Variants in DNER observed in about 807,000 individuals in gnomAD.
DNER encodes the protein delta/notch like EGF repeat containing.
In DNER, 33 loss-of-function variants were observed where a neutral mutation model predicts 78.2. That is an observed-to-expected ratio of 0.42 (90% confidence interval 0.32 to 0.56). DNER has a LOEUF of 0.56. Among genes scored for constraint, DNER ranks in the 20% least tolerant of loss-of-function variants. The pLI is 0.11. For synonymous variants in DNER, 417 were observed against 384.8 expected (o/e 1.08, Z -0.98); for missense variants, 918 against 975.3 (o/e 0.94, Z 0.78).
intron 5 of DNER, among the ~76,000 whole-genome samples, chr2:229,519,881 T>C (rs1696060658): frequency 6.6e-6 from 1 of 152,200 alleles, no homozygotes; most frequent in South Asian, 2.1e-4. Flanking sequence ...TCTGCATTAG[T>C]GACTATCCCT....
chr2:229,481,197 G>A (rs991401058), intron 6 of DNER, among the ~76,000 whole-genome samples: 19 of 152,150 alleles, frequency 1.2e-4, no homozygotes, highest in Admixed American at 3.3e-4. Flanking sequence ...CAAATTAGAC[G>A]TATGGACCAT....
intron 4 of DNER, among the ~76,000 whole-genome samples, chr2:229,584,261 G>A (rs1697455147): frequency 6.6e-6 from 1 of 152,142 alleles, no homozygotes; most frequent in African/African-American, 2.4e-5. Context: ...GACAGGTGCT[G>A]CTAGGAGGAT....
At chr2:229,428,376 T>A (rs1290132529) in intron 8 of DNER, among the ~76,000 whole-genome samples, 2 of 151,902 alleles carry the variant, frequency 1.3e-5, no homozygotes, top group Non-Finnish European at 2.9e-5. Context: ...TACCTGGTAA[T>A]GAATAGAATG....
chr2:229,672,769 C>T (rs936694434), intron 1 of DNER, among the ~76,000 whole-genome samples: 2 of 152,132 alleles, frequency 1.3e-5, no homozygotes, highest in Non-Finnish European at 2.9e-5. Context: ...CTCCTATTCT[C>T]TTCACAGTAG....
At chr2:229,479,257 A>G (rs1559362792) in intron 6 of DNER, among the ~76,000 whole-genome samples, 1 of 152,230 alleles carries the variant, frequency 6.6e-6, no homozygotes, top group Non-Finnish European at 1.5e-5. Context: ...ACAGGGAGTC[A>G]GAGCCCTGTG....
chr2:229,606,499 A>G (rs1697941112), intron 1 of DNER, among the ~76,000 whole-genome samples: 1 of 151,754 alleles, frequency 6.6e-6, no homozygotes, highest in Non-Finnish European at 1.5e-5. Context: ...TTAAAAAAAA[A>G]TAAAATTCCC....
intron 4 of DNER, among the ~76,000 whole-genome samples, chr2:229,561,437 C>A (rs1054984290): frequency 1.2e-4 from 19 of 152,092 alleles, no homozygotes; most frequent in African/African-American, 4.6e-4. Context: ...ATATAGCAAT[C>A]CTTAACAACT....
intron 1 of DNER, among the ~76,000 whole-genome samples, chr2:229,671,274 G>A (rs990612918): frequency 2.5e-4 from 38 of 152,214 alleles, no homozygotes; most frequent in Non-Finnish European, 4.0e-4. Context: ...TCTACTAGGC[G>A]CCAGCCATAC....
At chr2:229,649,495 A>G (rs1302734623) in intron 1 of DNER, among the ~76,000 whole-genome samples, 1 of 152,212 alleles carries the variant, frequency 6.6e-6, no homozygotes. Context: ...CAATTTCTAT[A>G]TTATAAATAG....
intron 1 of DNER, among the ~76,000 whole-genome samples, chr2:229,645,836 G>T (rs1358078976): frequency 6.6e-6 from 1 of 152,186 alleles, no homozygotes; most frequent in Non-Finnish European, 1.5e-5. Flanking sequence ...CTCTGCAGAG[G>T]AAGCCATCAG....
intron 8 of DNER, among the ~76,000 whole-genome samples, chr2:229,423,995 G>GTAT (rs1160577311): frequency 3.3e-5 from 5 of 152,214 alleles, no homozygotes; most frequent in Non-Finnish European, 4.4e-5. Context: ...TGCAAACGCA[G>GTAT]TATTCACAGC....
chr2:229,482,451 G>A (rs1190717273), intron 6 of DNER, among the ~76,000 whole-genome samples: 1 of 152,146 alleles, frequency 6.6e-6, no homozygotes, highest in African/African-American at 2.4e-5. Context: ...TTTACCCAGG[G>A]GCTAAAAGAT....
At chr2:229,566,871 C>G (rs1311983057) in intron 4 of DNER, among the ~76,000 whole-genome samples, 2 of 152,130 alleles carry the variant, frequency 1.3e-5, no homozygotes, top group Non-Finnish European at 2.9e-5. Context: ...TATATTTTCA[C>G]TGGGATCCTA....
At chr2:229,435,900 T>G (rs780460184) in intron 8 of DNER, among the ~76,000 whole-genome samples, 1 of 152,364 alleles carries the variant, frequency 6.6e-6, no homozygotes, top group South Asian at 2.1e-4. Context: ...CAATATAAAC[T>G]GTTTGGTAAA....
At chr2:229,651,988 A>T (rs992784365) in intron 1 of DNER, among the ~76,000 whole-genome samples, 3 of 152,192 alleles carry the variant, frequency 2.0e-5, no homozygotes, top group African/African-American at 7.2e-5. Flanking sequence ...TCTCAATTAG[A>T]AAAGGAAAAA....
chr2:229,461,985 G>A (rs1027207620), intron 7 of DNER, among the ~76,000 whole-genome samples: 1 of 152,066 alleles, frequency 6.6e-6, no homozygotes. Flanking sequence ...AAGGATGAAA[G>A]ATTAAAGAAT....
rs368598267 is a variant in DNER at position 229,362,821 on chromosome 2, A to G, written c.2102+4052T>C. ...ATTTGGTGACAAGTCTTGTGTGTCT[A>G]TTTCTTCAAAGAAACAAAAGATACT... On this transcript the variant is annotated intron_variant, in intron 12 of 12. Transcript: ENST00000341772. 4.0e-4 allele frequency among the ~76,000 whole-genome samples: 61 copies of G among 152,254 alleles called. 1 individual carries two copies. Among genetic ancestry groups the G allele is most frequent in the African/African-American group, 1.3e-3 (54 of 41,544 alleles).
intron 1 of DNER, among the ~76,000 whole-genome samples, chr2:229,645,736 T>C (rs893905942): frequency 1.3e-5 from 2 of 152,198 alleles, no homozygotes; most frequent in African/African-American, 4.8e-5. Flanking sequence ...CTTCTTTCAT[T>C]CATCCACTCA....
At chr2:229,494,100 A>G (rs528559218) in intron 6 of DNER, among the ~76,000 whole-genome samples, 1 of 152,200 alleles carries the variant, frequency 6.6e-6, no homozygotes, top group African/African-American at 2.4e-5. Context: ...AATATAGCCC[A>G]ATTTTAAAGG....
Sources: gnomAD v4.1 joint callset for allele counts (sites outside exome capture counted in the v4.1 genomes callset) on GRCh38, gnomAD v4.1.1 for gene constraint, MANE v1.5 for transcripts, NCBI Gene and HGNC (gene_info 2026-07-23, HGNC 2026-07-21) for gene names.